Variants in DDX24 observed in about 807,000 individuals in gnomAD.
DDX24 encodes DEAD-box helicase 24.
DDX24 carries 24 observed loss-of-function variants against 68.9 expected under a neutral mutation model. The observed-to-expected ratio is 0.35, with a 90% CI of 0.25 to 0.49. DDX24 has a LOEUF of 0.49. Ranked by LOEUF, DDX24 falls within the 20% of genes least tolerant of loss-of-function variation. The pLI, the probability that DDX24 is intolerant of heterozygous loss-of-function variation, is 0.99. For missense variants in DDX24, 989 were observed against 1,039.0 expected (o/e 0.95, Z 0.66); for synonymous variants, 395 against 385.2 (o/e 1.03, Z -0.30).
intron 2 of DDX24, among the ~76,000 whole-genome samples, chr14:94,064,438 TG>T (rs751112231): frequency 7.7e-4 from 117 of 152,322 alleles, no homozygotes; most frequent in Admixed American, 2.3e-3. Context: ...AGCTTCAGGA[TG>T]GGGGATGGAA....
chr14:94,063,206 T>C (rs949658846), intron 2 of DDX24, among the ~76,000 whole-genome samples: 1 of 152,120 alleles, frequency 6.6e-6, no homozygotes, highest in Non-Finnish European at 1.5e-5. Flanking sequence ...ACCATTACCA[T>C]ACATCTCCAA....
In DDX24 at chr14:94,079,443, C is replaced by T; in HGVS notation, c.300G>A (p.Lys100=). The change falls in exon 2 of 9, where the codon AAG becomes AAA. Residue 100 remains lysine (K), a synonymous_variant. Transcript: ENST00000621632. The part of the protein sequence containing the change: ...GKSSSPKKKI[K]LKKSKNVATE... ...TTGCTACATTTTTACTTTTCTTCAA[C>T]TTGATCTTTTTCTTTGGTGAGCTAG... 6.2e-7 allele frequency: 1 copy of T among 1,614,008 alleles called. No individual in the cohort carries two copies. Among genetic ancestry groups the T allele is most frequent in the South Asian group, 1.1e-5 (1 of 91,082 alleles).
chr14:94,050,422 C>G lies in DDX24; in HGVS notation c.*769G>C, dbSNP rs776755438. On this transcript the variant is annotated 3_prime_UTR_variant, in exon 9 of 9. Transcript: ENST00000621632. Reference sequence around the variant, plus strand: ...GAGAAGGCCAAAAGGCAATCCAGACCGAGGGAAAAGCCTATTCTGCACAAA... The same window carrying G: ...GAGAAGGCCAAAAGGCAATCCAGACGGAGGGAAAAGCCTATTCTGCACAAA... 1.3e-5 allele frequency: 2 copies of G among 152,296 alleles called. No homozygotes were observed. The highest frequency in any genetic ancestry group is 2.1e-4 in the South Asian group (1 of 4,816). The allele number at this position is 152,296 out of a possible 1,614,324, so 9.4% of individuals were successfully genotyped here. A position where few individuals can be genotyped will look rare whatever the true frequency, so the allele number is the denominator to read the frequency against.
intron 2 of DDX24, among the ~76,000 whole-genome samples, chr14:94,063,189 G>A (rs550375929): frequency 2.0e-5 from 3 of 151,984 alleles, no homozygotes; most frequent in Non-Finnish European, 4.4e-5. Context: ...GCTTTCTCAA[G>A]GGAGAAACCA....
At position 94,079,586 on chromosome 14, in the gene DDX24, A is replaced by G. The variant is rs1269356820; in HGVS notation, c.157T>C (p.Leu53=). 2.5e-6 allele frequency: 4 copies of G among 1,614,036 alleles called. No homozygotes were observed. Among genetic ancestry groups the G allele is most frequent in the Non-Finnish European group, 3.4e-6 (4 of 1,180,032 alleles). Residue 53 remains leucine, a synonymous_variant, in exon 2 of 9, where the codon TTG becomes CTG. Transcript: ENST00000621632. ...QMDDLVCFEE[L]TDYQLVSPAK... ...GGGGAGACCAACTGGTAATCTGTCA[A>G]TTCCTCAAAGCACACCAAGTCATCC...
chr14:94,063,375 A>T (rs1885635962), intron 2 of DDX24, among the ~76,000 whole-genome samples: 1 of 152,240 alleles, frequency 6.6e-6, no homozygotes, highest in South Asian at 2.1e-4. Context: ...AAAAGCCAGA[A>T]GACAGTGTAG....
chr14:94,077,702 T>C (rs770052807), intron 2 of DDX24, among the ~76,000 whole-genome samples: 1 of 152,316 alleles, frequency 6.6e-6, no homozygotes, highest in South Asian at 2.1e-4. Context: ...TCCCCTTTCC[T>C]GTAGTTCCTC....
intron 2 of DDX24, among the ~76,000 whole-genome samples, chr14:94,065,967 T>C (rs1203996679): frequency 6.6e-6 from 1 of 152,202 alleles, no homozygotes; most frequent in Non-Finnish European, 1.5e-5. Flanking sequence ...AGCCAAATTC[T>C]GTAACAATTT....
chr14:94,053,344 T>G, intron 7 of DDX24: 1 of 295,078 alleles, frequency 3.4e-6, no homozygotes, highest in Non-Finnish European at 6.1e-6. Flanking sequence ...GGCACCACCA[T>G]GCCTAGGTAA....
At chr14:94,065,987 A>G (rs962935066) in intron 2 of DDX24, among the ~76,000 whole-genome samples, 3 of 152,200 alleles carry the variant, frequency 2.0e-5, no homozygotes, top group African/African-American at 7.2e-5. Context: ...TGATTTAACA[A>G]TCTGAACAGG....
chr14:94,052,682 G>A lies in DDX24; in HGVS notation c.2308+316C>T, dbSNP rs186981654. On this transcript the variant is annotated intron_variant, in intron 8 of 8. Coordinates refer to ENST00000621632, the MANE Select transcript of DDX24 (RefSeq NM_020414.4). ...GAACACAACAGAGGTTAAATAACTT[G>A]ACTCAGTCACATAGTTAAGGCAATG... 6.0e-4 allele frequency among the ~76,000 whole-genome samples: 91 copies of A among 152,292 alleles called. 1 individual carries two copies. The highest frequency in any genetic ancestry group is 9.8e-4 in the Admixed American group (15 of 15,298).
chr14:94,062,640 A>C lies in DDX24; in HGVS notation c.719-19T>G. On this transcript the variant is annotated intron_variant, in intron 2 of 8. Coordinates refer to ENST00000621632, the MANE Select transcript of DDX24 (RefSeq NM_020414.4). The stretch of plus-strand genomic sequence containing the variant: ...CCACTTCCTTAAAAGTAAAAAAACA[A>C]AACAAAGTAAAAACAGTGTGAATCA... 6.4e-7 allele frequency: 1 copy of C among 1,564,660 alleles called. No individual in the cohort carries two copies. Among genetic ancestry groups the C allele is most frequent in the Non-Finnish European group, 8.6e-7 (1 of 1,158,830 alleles).
At chr14:94,069,810 C>G (rs1006792689) in intron 2 of DDX24, among the ~76,000 whole-genome samples, 3 of 152,114 alleles carry the variant, frequency 2.0e-5, no homozygotes, top group East Asian at 3.8e-4. Context: ...ATCCAGCATC[C>G]CTTTACAATT....
intron 2 of DDX24, among the ~76,000 whole-genome samples, chr14:94,067,755 A>G (rs976398349): frequency 1.3e-5 from 2 of 152,236 alleles, no homozygotes; most frequent in African/African-American, 4.8e-5. Context: ...TATGAAGGAA[A>G]GATACAATTG....
chr14:94,052,932 TC>T, intron 8 of DDX24, 65 bp downstream of exon 8: 2 of 1,557,600 alleles, frequency 1.3e-6, no homozygotes, highest in Non-Finnish European at 8.7e-7. Flanking sequence ...TAGAGATGGT[TC>T]CAACAAAGCA....
chr14:94,058,732 G>A (rs1365230339), intron 5 of DDX24, among the ~76,000 whole-genome samples: 1 of 152,184 alleles, frequency 6.6e-6, no homozygotes, highest in Non-Finnish European at 1.5e-5. Context: ...TCTGAGCTGA[G>A]GCCGGGAAAT....
chr14:94,049,640 C>T lies in DDX24; in HGVS notation c.*1551G>A, dbSNP rs1203151509. The stretch of plus-strand genomic sequence containing the variant: ...GGGCACAGTGGCTCACACCTGTAAT[C>T]TCAGTACTTTGGGAGGCTGAGGCAA... On this transcript the variant is annotated 3_prime_UTR_variant, in exon 9 of 9. Coordinates refer to ENST00000621632, the MANE Select transcript of DDX24 (RefSeq NM_020414.4). The T allele has an allele frequency of 6.6e-6, 1 of 152,172 alleles. No homozygotes were observed. The highest frequency in any genetic ancestry group is 6.5e-5 in the Admixed American group (1 of 15,274). The allele number at this position is 152,172 out of a possible 1,614,324, so 9.4% of individuals were successfully genotyped here. A position where few individuals can be genotyped will look rare whatever the true frequency, so the allele number is the denominator to read the frequency against.
At chr14:94,064,014 G>T (rs1885647768) in intron 2 of DDX24, among the ~76,000 whole-genome samples, 1 of 152,108 alleles carries the variant, frequency 6.6e-6, no homozygotes, top group Admixed American at 6.6e-5. Context: ...TAACACATAT[G>T]AAGTATACAA....
In DDX24 at chr14:94,079,170, C is replaced by T; in HGVS notation, c.573G>A (p.Val191=). The T allele has an allele frequency of 6.2e-7, 1 of 1,614,242 alleles. No homozygotes were observed. The highest frequency in any genetic ancestry group is 1.7e-5 in the Admixed American group (1 of 60,034). ...IPEVHDQKAD[V]SAWKDLFVPR... ...GAACAAACAGGTCCTTCCAAGCTGA[C>T]ACATCTGCTTTCTGATCATGAACTT... is the stretch of plus-strand genomic sequence containing the variant. The change falls in exon 2 of 9, where the codon GTG becomes GTA. Residue 191 remains valine, a synonymous_variant. Coordinates refer to ENST00000621632, the MANE Select transcript of DDX24 (RefSeq NM_020414.4).
Sources: gnomAD v4.1 joint callset for allele counts (sites outside exome capture counted in the v4.1 genomes callset) on GRCh38, gnomAD v4.1.1 for gene constraint, MANE v1.5 for transcripts, NCBI Gene and HGNC (gene_info 2026-07-23, HGNC 2026-07-21) for gene names.